NOVA1: variants seen among roughly 807,000 people sequenced by gnomAD.
NOVA1 encodes NOVA alternative splicing regulator 1.
Under a neutral mutation model 38.0 loss-of-function variants are expected in NOVA1, and 7 were observed. That is an observed-to-expected ratio of 0.18 (90% CI 0.10 to 0.35). The LOEUF is 0.35. NOVA1 is among the 10% of genes least tolerant of loss of function. The pLI, the probability that NOVA1 is intolerant of heterozygous loss-of-function variation, is 1.00. For missense variants in NOVA1, 460 were observed against 616.0 expected (o/e 0.75, Z 2.68); for synonymous variants, 270 against 232.5 (o/e 1.16, Z -1.47).
chr14:26,521,057 A>G (rs1045596366), intron 2 of NOVA1, among the ~76,000 whole-genome samples: 1 of 152,046 alleles, frequency 6.6e-6, no homozygotes, highest in Non-Finnish European at 1.5e-5. Context: ...AAAATAAAAT[A>G]AAAGTATGGT....
intron 2 of NOVA1, chr14:26,593,640 TCTTG>T (rs1035463693): frequency 2.0e-5 from 3 of 151,908 alleles, no homozygotes; most frequent in African/African-American, 4.8e-5. Context: ...CAACAGATAT[TCTTG>T]CTCTATACAA....
chr14:26,487,477 CA>C (rs1252106553), intron 2 of NOVA1, among the ~76,000 whole-genome samples: 2 of 151,878 alleles, frequency 1.3e-5, no homozygotes, highest in Non-Finnish European at 2.9e-5. Context: ...TTGATTGACA[CA>C]CATAAAATCT....
At chr14:26,520,052 T>A (rs1888759925) in intron 2 of NOVA1, among the ~76,000 whole-genome samples, 1 of 152,214 alleles carries the variant, frequency 6.6e-6, no homozygotes, top group African/African-American at 2.4e-5. Flanking sequence ...TAGGTCCCTA[T>A]GAACTTCTGG....
chr14:26,583,410 T>C (rs939440677), intron 2 of NOVA1, among the ~76,000 whole-genome samples: 20 of 151,612 alleles, frequency 1.3e-4, no homozygotes, highest in Middle Eastern at 3.2e-3. Flanking sequence ...CTTTTTTATA[T>C]TGAATTCAAC....
At chr14:26,577,418 G>C (rs1892923919) in intron 2 of NOVA1, among the ~76,000 whole-genome samples, 1 of 152,042 alleles carries the variant, frequency 6.6e-6, no homozygotes, top group Admixed American at 6.6e-5. Context: ...GCTTAGTCTG[G>C]TCAACCAAGT....
intron 2 of NOVA1, among the ~76,000 whole-genome samples, chr14:26,492,791 AC>A (rs1886445158): frequency 1.1e-5 from 1 of 87,688 alleles, no homozygotes; most frequent in Admixed American, 1.6e-4. Context: ...ACATGGTGAA[AC>A]CCCATCTCTA....
At chr14:26,531,167 T>C (rs1889681981) in intron 2 of NOVA1, among the ~76,000 whole-genome samples, 1 of 152,240 alleles carries the variant, frequency 6.6e-6, no homozygotes, top group Non-Finnish European at 1.5e-5. Flanking sequence ...CTACTCCTTC[T>C]TTATTTAGAG....
chr14:26,445,314 C>T lies in NOVA1; in HGVS notation c.*2645G>A, dbSNP rs1881986546. ...AGCATCACATCACAAATCAATTCTACATGGTCTATAAATTTCAGAGAATAA... is the reference window on the plus strand; with the variant it reads ...AGCATCACATCACAAATCAATTCTATATGGTCTATAAATTTCAGAGAATAA... On this transcript the variant is annotated 3_prime_UTR_variant, in exon 5 of 5. Transcript: ENST00000539517. 1 of 152,162 alleles carries T rather than the reference C, an allele frequency of 6.6e-6. No individual in the cohort carries two copies. The highest frequency in any genetic ancestry group is 2.4e-5 in the African/African-American group (1 of 41,450). 9.4% of individuals were successfully genotyped at this position (152,162 alleles called of 1,614,324 possible). A position where few individuals can be genotyped will look rare whatever the true frequency, so the allele number is the denominator to read the frequency against.
intron 2 of NOVA1, among the ~76,000 whole-genome samples, chr14:26,503,876 C>T (rs564201901): frequency 3.9e-5 from 6 of 152,026 alleles, no homozygotes; most frequent in Non-Finnish European, 7.4e-5. Flanking sequence ...AACAGAACAA[C>T]AGGCACAAAC....
intron 2 of NOVA1, among the ~76,000 whole-genome samples, chr14:26,532,974 T>A (rs1438546638): frequency 1.3e-5 from 2 of 152,208 alleles, no homozygotes; most frequent in Non-Finnish European, 2.9e-5. Context: ...AGCTATTAGA[T>A]ATATTGTCTA....
chr14:26,583,200 A>G (rs1369972605), intron 2 of NOVA1, among the ~76,000 whole-genome samples: 6 of 151,754 alleles, frequency 4.0e-5, no homozygotes, highest in Non-Finnish European at 8.9e-5. Flanking sequence ...AAACAGTAAA[A>G]TATGTTAAAT....
intron 2 of NOVA1, among the ~76,000 whole-genome samples, chr14:26,533,828 G>C (rs1889888007): frequency 6.6e-6 from 1 of 152,076 alleles, no homozygotes; most frequent in African/African-American, 2.4e-5. Flanking sequence ...AAATAGTCCT[G>C]TAAAATCTTG....
chr14:26,576,633 T>C (rs911729342), intron 2 of NOVA1, among the ~76,000 whole-genome samples: 1 of 151,840 alleles, frequency 6.6e-6, no homozygotes, highest in Non-Finnish European at 1.5e-5. Context: ...ACATACCACC[T>C]GATAAGGTAT....
chr14:26,462,428 T>C (rs1169157617), intron 4 of NOVA1, among the ~76,000 whole-genome samples: 1 of 151,980 alleles, frequency 6.6e-6, no homozygotes, highest in Non-Finnish European at 1.5e-5. Context: ...TCTTATCATG[T>C]GATAGTGTTT....
chr14:26,462,788 A>C (rs1440130473), intron 4 of NOVA1, among the ~76,000 whole-genome samples: 1 of 152,162 alleles, frequency 6.6e-6, no homozygotes, highest in Admixed American at 6.6e-5. Context: ...AAGCATATGT[A>C]ATGTCAAAGA....
chr14:26,501,570 ATAT>A (rs1887243704), intron 2 of NOVA1, among the ~76,000 whole-genome samples: 1 of 151,950 alleles, frequency 6.6e-6, no homozygotes, highest in Non-Finnish European at 1.5e-5. Context: ...AAGAAATAAT[ATAT>A]TATTTTATCT....
At chr14:26,562,379 TA>T (rs1054787529) in intron 2 of NOVA1, among the ~76,000 whole-genome samples, 1 of 152,112 alleles carries the variant, frequency 6.6e-6, no homozygotes, top group African/African-American at 2.4e-5. Context: ...CAAAAGCACT[TA>T]GAAAAAGTCT....
intron 2 of NOVA1, among the ~76,000 whole-genome samples, chr14:26,489,734 G>A (rs1355238287): frequency 6.6e-6 from 1 of 151,970 alleles, no homozygotes; most frequent in Non-Finnish European, 1.5e-5. Flanking sequence ...TACTTGGGAG[G>A]CTGAGGGTGG....
intron 2 of NOVA1, among the ~76,000 whole-genome samples, chr14:26,521,864 A>G (rs1314176736): frequency 1.3e-5 from 2 of 152,116 alleles, no homozygotes; most frequent in Non-Finnish European, 2.9e-5. Flanking sequence ...TATTGACAAA[A>G]TTCAAATAAT....
Sources: gnomAD v4.1 joint callset for allele counts (sites outside exome capture counted in the v4.1 genomes callset) on GRCh38, gnomAD v4.1.1 for gene constraint, MANE v1.5 for transcripts, NCBI Gene and HGNC (gene_info 2026-07-23, HGNC 2026-07-21) for gene names.